The following CIAO2A variants were observed in gnomAD, a reference collection of about 807,000 sequenced individuals.
CIAO2A encodes the protein cytosolic iron-sulfur assembly component 2A.
CIAO2A carries 17 observed loss-of-function variants against 22.4 expected under a neutral mutation model. That is an observed-to-expected ratio of 0.76 (90% CI 0.52 to 1.14). CIAO2A has a LOEUF of 1.14. Among genes scored for constraint, CIAO2A ranks in the 50% most tolerant of loss-of-function variants. The pLI is 0.00. For missense variants in CIAO2A, 192 were observed against 191.4 expected, an observed-to-expected ratio of 1.00 and a Z score of -0.02; for synonymous variants, 74 against 72.3, an observed-to-expected ratio of 1.02 and a Z score of -0.12.
At chr15:64,080,467 G>T (rs536880617) in intron 3 of CIAO2A, among the ~76,000 whole-genome samples, 1 of 152,094 alleles carries the variant, frequency 6.6e-6, no homozygotes, top group African/African-American at 2.4e-5. Flanking sequence ...TGGATCATGA[G>T]GTCAGGAGTT....
intron 2 of CIAO2A, among the ~76,000 whole-genome samples, chr15:64,087,105 T>G (rs2080803505): frequency 2.0e-5 from 3 of 147,580 alleles, no homozygotes; most frequent in Admixed American, 1.4e-4. Flanking sequence ...TTTTTTTTTT[T>G]TGGGAGATAA....
At chr15:64,085,812 G>T (rs556788614) in intron 2 of CIAO2A, among the ~76,000 whole-genome samples, 1 of 151,810 alleles carries the variant, frequency 6.6e-6, no homozygotes, top group Non-Finnish European at 1.5e-5. Context: ...GGGTTCAAGC[G>T]ATTCTCCTGC....
intron 1 of CIAO2A, among the ~76,000 whole-genome samples, chr15:64,090,721 G>T (rs1469143603): frequency 6.6e-6 from 1 of 152,182 alleles, no homozygotes; most frequent in Non-Finnish European, 1.5e-5. Context: ...TTGCAAAAGG[G>T]GAAGCAAGTA....
At chr15:64,086,614 A>AT (rs35461939) in intron 2 of CIAO2A, among the ~76,000 whole-genome samples, 14 of 142,138 alleles carry the variant, frequency 9.8e-5, no homozygotes, top group African/African-American at 3.1e-4. Flanking sequence ...TAGCAATGGG[A>AT]TTTTTTTTTT....
chr15:64,087,126 C>CTGA (rs1567308024), intron 2 of CIAO2A, among the ~76,000 whole-genome samples: 1 of 124,566 alleles, frequency 8.0e-6, no homozygotes, highest in African/African-American at 3.0e-5. Context: ...GAGTCTCGCT[C>CTGA]TGATGCCCAG....
chr15:64,086,536 T>C (rs1054144278), intron 2 of CIAO2A, among the ~76,000 whole-genome samples: 1 of 152,128 alleles, frequency 6.6e-6, no homozygotes, highest in Admixed American at 6.5e-5. Flanking sequence ...ACTTTCAGTA[T>C]CTGTTCGTTC....
intron 4 of CIAO2A, among the ~76,000 whole-genome samples, chr15:64,073,587 C>T (rs1042049732): frequency 4.6e-5 from 7 of 152,034 alleles, no homozygotes; most frequent in Non-Finnish European, 1.0e-4. Context: ...GCAACAATAC[C>T]TGGTATTATT....
At chr15:64,079,762 C>A (rs2080747072) in intron 3 of CIAO2A, among the ~76,000 whole-genome samples, 1 of 152,206 alleles carries the variant, frequency 6.6e-6, no homozygotes, top group African/African-American at 2.4e-5. Flanking sequence ...TTAAAAACAT[C>A]TTCCTCAGAT....
At position 64,092,856 on chromosome 15, in the gene CIAO2A, A is replaced by C. The variant is rs568783852; in HGVS notation, c.124+789T>G. Among the ~76,000 whole-genome samples the C allele has an allele frequency of 2.4e-4, 36 of 152,382 alleles. No homozygotes were observed. The South Asian group carries it at 4.3e-3, about 18-fold the overall frequency. The stretch of plus-strand genomic sequence containing the variant: ...TCAAAAACAATACAACATAATTAAA[A>C]AAACAAACAAACAAAAAGTTGTAAG... On this transcript the variant is annotated intron_variant, in intron 1 of 4. Coordinates refer to ENST00000300030, the MANE Select transcript of CIAO2A (RefSeq NM_032231.7).
chr15:64,093,272 T>C (rs1047315490), intron 1 of CIAO2A, among the ~76,000 whole-genome samples: 1 of 152,108 alleles, frequency 6.6e-6, no homozygotes, highest in African/African-American at 2.4e-5. Flanking sequence ...AGAACGAGGC[T>C]CTAGTAGTGC....
In CIAO2A at chr15:64,073,108, A is replaced by C. The variant is rs546726449; in HGVS notation, c.386-80T>G. ...AGACAGTATTTTTATTAGCCTGCTG[A>C]AACAAAAACTTTAACTCCTTGAGAA... On this transcript the variant is annotated intron_variant, in intron 4 of 4. Coordinates refer to ENST00000300030, the MANE Select transcript of CIAO2A (RefSeq NM_032231.7). 6 of 901,138 alleles carry C rather than the reference A, an allele frequency of 6.7e-6. No individual in the cohort carries two copies. In the South Asian group the frequency reaches 1.0e-4, roughly 16 times the overall value. The allele number at this position is 901,138 out of a possible 1,614,324, so 55.8% of individuals were successfully genotyped here.
chr15:64,080,778 C>T (rs1287196044), intron 3 of CIAO2A, among the ~76,000 whole-genome samples: 1 of 152,184 alleles, frequency 6.6e-6, no homozygotes, highest in African/African-American at 2.4e-5. Context: ...AGTGGGAACG[C>T]AGAATGGTGC....
chr15:64,079,553 T>C (rs771804171), intron 3 of CIAO2A, among the ~76,000 whole-genome samples: 2 of 151,924 alleles, frequency 1.3e-5, no homozygotes, highest in Non-Finnish European at 2.9e-5. Flanking sequence ...ATGTGTAGGA[T>C]TTGAACATAT....
At chr15:64,089,756 A>G (rs1377568922) in intron 1 of CIAO2A, among the ~76,000 whole-genome samples, 1 of 152,242 alleles carries the variant, frequency 6.6e-6, no homozygotes, top group East Asian at 1.9e-4. Flanking sequence ...AGCAGAACCA[A>G]TGATACCAGC....
chr15:64,089,384 C>T (rs547050531), intron 1 of CIAO2A, among the ~76,000 whole-genome samples: 5 of 151,908 alleles, frequency 3.3e-5, no homozygotes, highest in South Asian at 2.1e-4. Flanking sequence ...AAAAATTAGC[C>T]GGGTGTAGTG....
intron 2 of CIAO2A, among the ~76,000 whole-genome samples, chr15:64,085,276 T>G (rs138511955): frequency 0.011 from 1,739 of 152,278 alleles, 30 homozygotes; most frequent in African/African-American, 0.04. Context: ...GGCTCATGCC[T>G]GTAATCCCAG....
chr15:64,082,287 G>T (rs1311463063), intron 2 of CIAO2A, among the ~76,000 whole-genome samples: 2 of 152,108 alleles, frequency 1.3e-5, no homozygotes, highest in Non-Finnish European at 2.9e-5. Flanking sequence ...GGAGTACAGT[G>T]GCGAGATCTC....
rs147426625 is a variant in CIAO2A, at chr15:64,088,834, G to A, written c.142C>T (p.Arg48Trp). ...LEVYDLIRTI[R>W]DPEKPNTLEE... ...AAAGTATTGGGCTTTTCTGGGTCCC[G>A]GATAGTTCTAATCAAATCTAAAGAA... Residue 48 changes from arginine (R) to tryptophan (W), a missense_variant, in exon 2 of 5, where the codon CGG (arginine) becomes TGG (tryptophan). By Grantham distance (101) the Arg-to-Trp change is moderately radical. Coordinates refer to ENST00000300030, the MANE Select transcript of CIAO2A (RefSeq NM_032231.7). 779 of 1,612,140 alleles carry A rather than the reference G, an allele frequency of 4.8e-4. No homozygotes were observed. The highest frequency in any genetic ancestry group is 6.0e-4 in the Non-Finnish European group (708 of 1,179,514).
chr15:64,092,165 T>C (rs999029344), intron 1 of CIAO2A, among the ~76,000 whole-genome samples: 12 of 152,124 alleles, frequency 7.9e-5, no homozygotes, highest in African/African-American at 2.9e-4. Context: ...AATTCTTCAT[T>C]TATATTTAAA....
Sources: gnomAD v4.1 joint callset for allele counts (sites outside exome capture counted in the v4.1 genomes callset) on GRCh38, gnomAD v4.1.1 for gene constraint, MANE v1.5 for transcripts, NCBI Gene and HGNC (gene_info 2026-07-23, HGNC 2026-07-21) for gene names.